DLG2: variants seen among roughly 807,000 people sequenced by gnomAD.
DLG2 encodes disks large homolog 2.
In DLG2, 45 loss-of-function variants were observed where a neutral mutation model predicts 132.5. The ratio of observed to expected loss-of-function variants is 0.34; its 90% CI spans 0.27 to 0.44. The LOEUF is 0.44. DLG2 is among the 20% of genes least tolerant of loss of function. The pLI is 1.00. For synonymous variants in DLG2, 424 were observed against 419.6 expected, an observed-to-expected ratio of 1.01 and a Z score of -0.13; for missense variants, 1,045 against 1,196.9, an observed-to-expected ratio of 0.87 and a Z score of 1.87.
At chr11:84,302,691 T>G (rs1218868989) in intron 7 of DLG2, among the ~76,000 whole-genome samples, 1 of 152,240 alleles carries the variant, frequency 6.6e-6, no homozygotes, top group Non-Finnish European at 1.5e-5. Flanking sequence ...AAGCTTGTAT[T>G]ATATTTAAAC....
chr11:84,439,090 A>T (rs552431292), intron 7 of DLG2, among the ~76,000 whole-genome samples: 212 of 152,354 alleles, frequency 1.4e-3, no homozygotes, highest in Middle Eastern at 3.4e-3. Context: ...ACCCATGTTC[A>T]TGTTACTCAC....
At chr11:83,704,215 T>C (rs759050771) in intron 18 of DLG2, among the ~76,000 whole-genome samples, 3 of 150,266 alleles carry the variant, frequency 2.0e-5, no homozygotes. Context: ...ATGAAAAACT[T>C]TGCATGAAAA....
At chr11:85,077,707 T>C (rs192520815) in intron 6 of DLG2, among the ~76,000 whole-genome samples, 2 of 152,080 alleles carry the variant, frequency 1.3e-5, no homozygotes, top group Admixed American at 1.3e-4. Context: ...CTGACACTAT[T>C]TTTATCTCTG....
At chr11:85,380,521 G>T (rs1452251563) in intron 3 of DLG2, among the ~76,000 whole-genome samples, 2 of 152,084 alleles carry the variant, frequency 1.3e-5, no homozygotes, top group East Asian at 1.9e-4. Flanking sequence ...TTTACTGGGC[G>T]TGGTGGCACA....
At chr11:85,226,401 C>T (rs2152628204) in intron 4 of DLG2, among the ~76,000 whole-genome samples, 1 of 151,958 alleles carries the variant, frequency 6.6e-6, no homozygotes, top group Non-Finnish European at 1.5e-5. Context: ...CGTTATTCAC[C>T]TAAGTTTCAC....
At chr11:84,349,783 T>A (rs1035379208) in intron 7 of DLG2, among the ~76,000 whole-genome samples, 4 of 152,138 alleles carry the variant, frequency 2.6e-5, no homozygotes, top group Non-Finnish European at 5.9e-5. Context: ...GAGGATTGTT[T>A]GAGACCAGGA....
intron 12 of DLG2, among the ~76,000 whole-genome samples, chr11:83,968,363 G>T (rs1190322132): frequency 6.6e-6 from 1 of 152,132 alleles, no homozygotes; most frequent in Admixed American, 6.6e-5. Flanking sequence ...TAAGCCGTAA[G>T]CTTCTCTAGC....
At chr11:84,919,778 A>C (rs2092673063) in intron 6 of DLG2, among the ~76,000 whole-genome samples, 1 of 152,184 alleles carries the variant, frequency 6.6e-6, no homozygotes, top group Non-Finnish European at 1.5e-5. Flanking sequence ...TCCAAAGACA[A>C]AATGATACAG....
chr11:84,806,801 T>C (rs913635717), intron 6 of DLG2, among the ~76,000 whole-genome samples: 1 of 152,180 alleles, frequency 6.6e-6, no homozygotes, highest in African/African-American at 2.4e-5. Context: ...ATTTTCCTTC[T>C]TCTCTTGGAT....
At chr11:84,020,944 A>G (rs1180627059) in intron 11 of DLG2, among the ~76,000 whole-genome samples, 1 of 152,176 alleles carries the variant, frequency 6.6e-6, no homozygotes, top group Non-Finnish European at 1.5e-5. Context: ...CCCTAACACT[A>G]AGAGAGCTGG....
At chr11:83,691,827 G>A (rs192214689) in intron 18 of DLG2, among the ~76,000 whole-genome samples, 1 of 138,464 alleles carries the variant, frequency 7.2e-6, no homozygotes, top group African/African-American at 3.2e-5. Flanking sequence ...ATTTTTTCCT[G>A]GACGGTATCC....
At chr11:84,316,972 G>A (rs754319307) in intron 7 of DLG2, 3 of 1,612,764 alleles carry the variant, frequency 1.9e-6, no homozygotes, top group Non-Finnish European at 2.5e-6. Context: ...TTGAAGCTGG[G>A]CCCCCTGGTC....
At chr11:85,112,089 G>A (rs2072856185) in intron 5 of DLG2, among the ~76,000 whole-genome samples, 1 of 151,966 alleles carries the variant, frequency 6.6e-6, no homozygotes, top group Non-Finnish European at 1.5e-5. Context: ...CTGTACTCCT[G>A]TAAGATCACA....
At chr11:83,687,166 T>G (rs2079947329) in intron 18 of DLG2, among the ~76,000 whole-genome samples, 1 of 152,180 alleles carries the variant, frequency 6.6e-6, no homozygotes, top group African/African-American at 2.4e-5. Flanking sequence ...ACACCTTCAT[T>G]TCAGACTTCT....
At chr11:85,064,480 G>T (rs367806521) in intron 6 of DLG2, among the ~76,000 whole-genome samples, 1 of 151,560 alleles carries the variant, frequency 6.6e-6, no homozygotes. Context: ...TCTATACCTC[G>T]CCACTTACAT....
rs182777998 is a variant in DLG2, at chr11:84,307,813, C to T, written c.520-56522G>A. Among the ~76,000 whole-genome samples, 469 of 151,678 alleles carry T rather than the reference C, an allele frequency of 3.1e-3. 9 individuals are homozygous for T. The highest frequency in any genetic ancestry group is 0.028 in the Admixed American group (432 of 15,228). ...GTTCGGAGGTGTCTGGAGTTTCTTC[C>T]TTCTGGTGGGGTTCGTGGTCTCGCT... On this transcript the variant is annotated intron_variant, in intron 7 of 27. Coordinates refer to ENST00000376104, the MANE Select transcript of DLG2 (RefSeq NM_001142699.3).
intron 6 of DLG2, among the ~76,000 whole-genome samples, chr11:84,755,209 T>C (rs563488594): frequency 6.6e-6 from 1 of 152,316 alleles, no homozygotes; most frequent in South Asian, 2.1e-4. Context: ...CAAATTTATT[T>C]TGAGTCAGAG....
At chr11:83,769,432 A>G (rs2153786520) in intron 18 of DLG2, among the ~76,000 whole-genome samples, 1 of 152,214 alleles carries the variant, frequency 6.6e-6, no homozygotes, top group Admixed American at 6.5e-5. Flanking sequence ...TGTTTACATG[A>G]AGTACAAGTC....
rs144261709 is a variant in DLG2, at chr11:84,152,861, C to G, written c.624+10600G>C. Among the ~76,000 whole-genome samples, 446 of 152,206 alleles carry G rather than the reference C, an allele frequency of 2.9e-3. 2 individuals carry two copies. The highest frequency in any genetic ancestry group is 0.01 in the African/African-American group (423 of 41,522). On this transcript the variant is annotated intron_variant, in intron 9 of 27. Transcript: ENST00000376104. ...TTTAGGCCATTTATATTCAAGGTTACTATAGATATATGAAGTTTTGATACT... is the reference window on the plus strand; with the variant it reads ...TTTAGGCCATTTATATTCAAGGTTAGTATAGATATATGAAGTTTTGATACT...
Sources: allele counts gnomAD v4.1 joint callset (sites outside exome capture counted in the v4.1 genomes callset), GRCh38; gene constraint gnomAD v4.1.1; transcripts MANE v1.5; gene names NCBI Gene and HGNC (gene_info 2026-07-23, HGNC 2026-07-21).